The following TGFBRAP1 variants were observed in gnomAD, a reference collection of about 807,000 sequenced individuals.
TGFBRAP1 encodes the protein transforming growth factor beta receptor associated protein 1.
TGFBRAP1 carries 20 observed loss-of-function variants against 83.2 expected under a neutral mutation model. That is an observed-to-expected ratio of 0.24 (90% CI 0.17 to 0.35). TGFBRAP1 has a LOEUF of 0.35. Ranked by LOEUF, TGFBRAP1 falls within the 10% of genes least tolerant of loss-of-function variation. The pLI is 1.00. For missense variants in TGFBRAP1, 950 were observed against 1,099.4 expected, an observed-to-expected ratio of 0.86 and a Z score of 1.92; for synonymous variants, 415 against 459.8, an observed-to-expected ratio of 0.90 and a Z score of 1.25.
Position 105,269,849 on chromosome 2 carries a change from T to C in TGFBRAP1, c.1973-144A>G, listed in dbSNP as rs913398643. On this transcript the variant is annotated intron_variant, in intron 10 of 11. Transcript: ENST00000393359. This position sits in a 1 kb window ranked among gnomAD's most constrained non-coding sequence, Gnocchi z 4.1. ...TGCCAAATGCTGCCACCCAGATGAC[T>C]GAGGGTAGGTTTTCTTGCATTTTCA... 35 of 870,316 alleles carry C rather than the reference T, an allele frequency of 4.0e-5. No homozygotes were observed. The African/African-American group carries it at 5.8e-4, about 14-fold the overall frequency. 53.9% of individuals were successfully genotyped at this position (870,316 alleles called of 1,614,324 possible).
intron 5 of TGFBRAP1, among the ~76,000 whole-genome samples, chr2:105,283,646 CCTCA>C (rs1279551711): frequency 2.0e-5 from 3 of 152,218 alleles, no homozygotes; most frequent in African/African-American, 7.2e-5. Context: ...CTAACTCCTG[CCTCA>C]CTGAGCACTC....
chr2:105,307,193 C>G (rs1360309607), intron 2 of TGFBRAP1, among the ~76,000 whole-genome samples: 3 of 152,196 alleles, frequency 2.0e-5, no homozygotes, highest in Non-Finnish European at 4.4e-5. Context: ...GGCTCACTCT[C>G]TCAGCATCCC....
Position 105,280,609 on chromosome 2 carries a change from C to T in TGFBRAP1, c.1236G>A (p.Gln412=). 6.2e-7 allele frequency: 1 copy of T among 1,614,134 alleles called. No individual in the cohort carries two copies. The highest frequency in any genetic ancestry group is 1.1e-5 in the South Asian group (1 of 91,078). The change falls in exon 6 of 12, where the codon CAG becomes CAA. Residue 412 remains glutamine, a synonymous_variant. Transcript: ENST00000393359. ...PPLHEYADLN[Q]LTQGDQEKMA... is the part of the protein sequence containing the mutation. ...TCTTCTCCTGGTCCCCCTGGGTCAGCTGGTTCAGGTCTGCGTACTCATGAA... is the reference window on the plus strand; with the variant it reads ...TCTTCTCCTGGTCCCCCTGGGTCAGTTGGTTCAGGTCTGCGTACTCATGAA...
At chr2:105,311,631 G>A (rs1026715070) in intron 1 of TGFBRAP1, among the ~76,000 whole-genome samples, 1 of 152,050 alleles carries the variant, frequency 6.6e-6, no homozygotes, top group African/African-American at 2.4e-5. Flanking sequence ...AGGAGTGGTG[G>A]CTCACACCTG....
intron 8 of TGFBRAP1, 94 bp downstream of exon 8, chr2:105,275,465 GT>G: frequency 6.6e-7 from 1 of 1,516,460 alleles, no homozygotes; most frequent in Non-Finnish European, 8.8e-7. Context: ...AGGTTGAAAT[GT>G]AGCTTTCTTT....
At chr2:105,280,950 T>C (rs560442907) in intron 5 of TGFBRAP1, among the ~76,000 whole-genome samples, 1 of 151,990 alleles carries the variant, frequency 6.6e-6, no homozygotes, top group African/African-American at 2.4e-5. Flanking sequence ...GGGACGAAGG[T>C]GAAAGACACA....
chr2:105,300,497 C>T (rs970211304), intron 2 of TGFBRAP1, among the ~76,000 whole-genome samples: 3 of 144,204 alleles, frequency 2.1e-5, no homozygotes, highest in African/African-American at 7.7e-5. Flanking sequence ...AGTGCAGTGG[C>T]ACCATCTCGG....
At chr2:105,310,394 T>C (rs1334351031) in intron 1 of TGFBRAP1, among the ~76,000 whole-genome samples, 1 of 152,100 alleles carries the variant, frequency 6.6e-6, no homozygotes, top group Non-Finnish European at 1.5e-5. Context: ...GGGTAACCTG[T>C]TCACCTCCGC....
In TGFBRAP1 at chr2:105,329,733, C is replaced by T; in HGVS notation, c.-126G>A. The T allele has an allele frequency of 6.8e-6, 1 of 147,796 alleles. No individual in the cohort carries two copies. The highest frequency in any genetic ancestry group is 2.0e-4 in the East Asian group (1 of 5,084). The allele number at this position is 147,796 out of a possible 1,614,324, so 9.2% of individuals were successfully genotyped here. On this transcript the variant is annotated 5_prime_UTR_variant, in exon 1 of 12. Coordinates refer to ENST00000393359, the MANE Select transcript of TGFBRAP1 (RefSeq NM_004257.6). Reference sequence around the variant, plus strand: ...CGACCCCGCAGCCGCCGCTTCCCGTCACGTGGGGCGGCCGCCAGGCGCTGG... The same window carrying T: ...CGACCCCGCAGCCGCCGCTTCCCGTTACGTGGGGCGGCCGCCAGGCGCTGG...
chr2:105,323,938 G>A (rs1052106687), intron 1 of TGFBRAP1, among the ~76,000 whole-genome samples: 1 of 152,138 alleles, frequency 6.6e-6, no homozygotes, highest in South Asian at 2.1e-4. Context: ...GAGGAGTTTA[G>A]ATAAATCCAA....
rs537492710 is a variant in TGFBRAP1, at chr2:105,279,908, T to G, written c.1463+474A>C. Among the ~76,000 whole-genome samples, 6 of 151,848 alleles carry G rather than the reference T, an allele frequency of 4.0e-5. No homozygotes were observed. The South Asian group carries it at 1.2e-3, about 32-fold the overall frequency. On this transcript the variant is annotated intron_variant, in intron 6 of 11. Coordinates refer to ENST00000393359, the MANE Select transcript of TGFBRAP1 (RefSeq NM_004257.6). ...CAAAAATTACCTGGGTGTGGTGGCG[T>G]GCACCTGTAGTCCCAGTTACTTGGG... is the stretch of plus-strand genomic sequence containing the variant.
At position 105,298,103 on chromosome 2, in the gene TGFBRAP1, C is replaced by T. The variant is rs921831171; in HGVS notation, c.883+408G>A. Among the ~76,000 whole-genome samples, 4 of 152,232 alleles carry T rather than the reference C, an allele frequency of 2.6e-5. No individual in the cohort carries two copies. In the East Asian group the frequency reaches 7.8e-4, roughly 30 times the overall value. ...CAGTCACAGTGAGCTGCTTGAGTGG[C>T]CTGAAGCCCATAGTACCCTCTTGAA... On this transcript the variant is annotated intron_variant, in intron 3 of 11. Coordinates refer to ENST00000393359, the MANE Select transcript of TGFBRAP1 (RefSeq NM_004257.6).
the TGFBRAP1 span, among the ~76,000 whole-genome samples, chr2:105,252,517 C>T: frequency 5.1e-4 from 77 of 152,170 alleles, no homozygotes; most frequent in Admixed American, 2.0e-4. Context: ...GGGCACCATG[C>T]GGTTTCCCTC....
At position 105,267,048 on chromosome 2, in the gene TGFBRAP1, C is replaced by A; in HGVS notation, c.*335G>T. ...GTGGTGGGGGATCCCCCACCTGGGT[C>A]TGGACTGCATGAGGAAGACTCCCTT... On this transcript the variant is annotated 3_prime_UTR_variant, in exon 12 of 12. Transcript: ENST00000393359. The A allele has an allele frequency of 4.6e-6, 1 of 218,160 alleles. No individual in the cohort carries two copies. Among genetic ancestry groups the A allele is most frequent in the Non-Finnish European group, 9.1e-6 (1 of 109,786 alleles). The allele number at this position is 218,160 out of a possible 1,614,324, so 13.5% of individuals were successfully genotyped here.
intron 10 of TGFBRAP1, among the ~76,000 whole-genome samples, chr2:105,271,821 A>G (rs746099622): frequency 5.3e-5 from 8 of 152,196 alleles, no homozygotes; most frequent in Non-Finnish European, 4.4e-5. Flanking sequence ...CTTCAAGGTC[A>G]TTTACGACAA....
chr2:105,297,622 G>A (rs867672927), intron 3 of TGFBRAP1, among the ~76,000 whole-genome samples: 8 of 152,206 alleles, frequency 5.3e-5, no homozygotes, highest in Non-Finnish European at 1.2e-4. Context: ...TTCGTTCCTG[G>A]TTGGAAGAAA....
chr2:105,302,578 A>G (rs985038342), intron 2 of TGFBRAP1, among the ~76,000 whole-genome samples: 1 of 152,182 alleles, frequency 6.6e-6, no homozygotes, highest in Non-Finnish European at 1.5e-5. Flanking sequence ...TCTACCATTT[A>G]GCCAAGGAGG....
In TGFBRAP1 at chr2:105,308,128, A is replaced by G; in HGVS notation, c.174T>C (p.Ala58=). The G allele has an allele frequency of 8.1e-6, 13 of 1,614,142 alleles. No individual in the cohort carries two copies. Among genetic ancestry groups the G allele is most frequent in the Non-Finnish European group, 1.0e-5 (12 of 1,180,036 alleles). The change falls in exon 2 of 12, where the codon GCT becomes GCC. Residue 58 remains alanine, a synonymous_variant. Coordinates refer to ENST00000393359, the MANE Select transcript of TGFBRAP1 (RefSeq NM_004257.6). ...HFLLEERPVP[A]GPATFTATKQ... The stretch of plus-strand genomic sequence containing the variant: ...TGGTGGCAGTGAACGTGGCTGGCCC[A>G]GCAGGCACTGGCCTCTCCTCCAACA...
rs1279472207 is a variant in TGFBRAP1, at chr2:105,269,427, C to A, written c.2251G>T (p.Ala751Ser). The change falls in exon 11 of 12, where the codon GCC becomes TCC. Residue 751 changes from alanine (A) to serine (S), a missense_variant. Coordinates refer to ENST00000393359, the MANE Select transcript of TGFBRAP1 (RefSeq NM_004257.6). This position sits in a 1 kb window ranked among gnomAD's most constrained non-coding sequence, Gnocchi z 4.1. ...LNRHATEFDA[A>S]QVLQMLPDTW... is the part of the protein sequence containing the mutation. ...TCAGGCAGCATCTGCAGCACCTGGG[C>A]TGCATCAAATTCGGTGGCGTGGCGG... 3 of 1,613,882 alleles carry A rather than the reference C, an allele frequency of 1.9e-6. No homozygotes were observed. The highest frequency in any genetic ancestry group is 1.7e-6 in the Non-Finnish European group (2 of 1,180,028).
Sources: allele counts gnomAD v4.1 joint callset (sites outside exome capture counted in the v4.1 genomes callset), GRCh38; gene constraint gnomAD v4.1.1; non-coding constraint Gnocchi (gnomAD v3.1); transcripts MANE v1.5; gene names NCBI Gene and HGNC (gene_info 2026-07-23, HGNC 2026-07-21).